Variants in PDSS2 observed in about 807,000 individuals in gnomAD.
PDSS2 encodes the protein decaprenyl diphosphate synthase subunit 2, also known as all trans-polyprenyl-diphosphate synthase PDSS2.
Under a neutral mutation model 44.5 loss-of-function variants are expected in PDSS2, and 31 were observed. The observed-to-expected ratio is 0.70, with a 90% CI of 0.52 to 0.94. The LOEUF is 0.94. PDSS2 is among the 40% of genes least tolerant of loss of function. The pLI, the probability that PDSS2 is intolerant of heterozygous loss-of-function variation, is 0.00. For missense variants in PDSS2, 452 were observed against 482.2 expected (o/e 0.94, Z 0.59); for synonymous variants, 157 against 180.3 (o/e 0.87, Z 1.03).
chr6:107,170,464 G>A (rs1562349249), intron 7 of PDSS2, among the ~76,000 whole-genome samples: 1 of 152,058 alleles, frequency 6.6e-6, no homozygotes, highest in South Asian at 2.1e-4. Context: ...GCTCACGCTC[G>A]GTGCACTGCA....
At chr6:107,376,421 A>G (rs1298567292) in intron 1 of PDSS2, among the ~76,000 whole-genome samples, 1 of 151,924 alleles carries the variant, frequency 6.6e-6, no homozygotes, top group African/African-American at 2.4e-5. Flanking sequence ...ATTTGTTTGT[A>G]TCCTCTTTTA....
At chr6:107,323,253 C>T (rs1304625251) in intron 2 of PDSS2, among the ~76,000 whole-genome samples, 1 of 152,190 alleles carries the variant, frequency 6.6e-6, no homozygotes, top group Non-Finnish European at 1.5e-5. Flanking sequence ...CAGGAAGACT[C>T]TAGATGCATA....
intron 4 of PDSS2, among the ~76,000 whole-genome samples, chr6:107,223,310 A>T (rs1281715817): frequency 2.7e-5 from 4 of 150,126 alleles, no homozygotes; most frequent in African/African-American, 1.0e-4. Context: ...TGGGCAGATC[A>T]CCTGAGCTCA....
chr6:107,207,355 G>A (rs564606220), intron 6 of PDSS2, among the ~76,000 whole-genome samples: 10 of 152,124 alleles, frequency 6.6e-5, no homozygotes, highest in African/African-American at 2.2e-4. Context: ...AGGGCTTTAG[G>A]GGAGGGAAGG....
Position 107,255,472 on chromosome 6 carries a change from G to A in PDSS2, c.631-9853C>T, listed in dbSNP as rs560957643. On this transcript the variant is annotated intron_variant, in intron 3 of 7. Coordinates refer to ENST00000369037, the MANE Select transcript of PDSS2 (RefSeq NM_020381.4). ...CTCCCAAAGTGCTGGGATTACAGGC[G>A]TGAGCTACCACGCCAGGTCCTATGG... Among the ~76,000 whole-genome samples, 4 of 152,046 alleles carry A rather than the reference G, an allele frequency of 2.6e-5. 1 individual carries two copies. The highest frequency in any genetic ancestry group is 4.8e-5 in the African/African-American group (2 of 41,506).
At chr6:107,347,229 C>T (rs1284585282) in intron 1 of PDSS2, among the ~76,000 whole-genome samples, 1 of 150,836 alleles carries the variant, frequency 6.6e-6, no homozygotes, top group Non-Finnish European at 1.5e-5. Flanking sequence ...TAGTCAACTT[C>T]CATACAATTC....
intron 2 of PDSS2, among the ~76,000 whole-genome samples, chr6:107,312,317 TTG>T (rs1273476481): frequency 6.6e-6 from 1 of 152,188 alleles, no homozygotes; most frequent in African/African-American, 2.4e-5. Flanking sequence ...ATTCAATCCT[TTG>T]TAGGTGGACC....
At chr6:107,170,998 A>G (rs782125921) in intron 7 of PDSS2, among the ~76,000 whole-genome samples, 1 of 152,192 alleles carries the variant, frequency 6.6e-6, no homozygotes, top group African/African-American at 2.4e-5. Flanking sequence ...GGACACCTAT[A>G]TAACCTAGGC....
chr6:107,198,683 C>T (rs147289201), intron 6 of PDSS2, among the ~76,000 whole-genome samples: 9 of 152,184 alleles, frequency 5.9e-5, no homozygotes, highest in Admixed American at 4.6e-4. Context: ...TGACCAGGCA[C>T]GGTGGCTCAT....
intron 7 of PDSS2, among the ~76,000 whole-genome samples, chr6:107,168,590 G>C (rs1338002208): frequency 6.6e-6 from 1 of 151,684 alleles, no homozygotes; most frequent in African/African-American, 2.4e-5. Flanking sequence ...TTTACAATTT[G>C]ACATGTTTTT....
At chr6:107,207,042 G>A (rs1269802524) in intron 6 of PDSS2, among the ~76,000 whole-genome samples, 1 of 150,180 alleles carries the variant, frequency 6.7e-6, no homozygotes, top group African/African-American at 2.5e-5. Context: ...GCCCAGGCTC[G>A]AGTGCAGTGG....
intron 3 of PDSS2, among the ~76,000 whole-genome samples, chr6:107,262,940 T>C (rs1200079237): frequency 6.6e-6 from 1 of 151,446 alleles, no homozygotes; most frequent in African/African-American, 2.4e-5. Flanking sequence ...TTACAAAAAA[T>C]AAAGAAATAA....
chr6:107,306,302 T>C (rs988002128), intron 2 of PDSS2, among the ~76,000 whole-genome samples: 3 of 152,194 alleles, frequency 2.0e-5, no homozygotes, highest in South Asian at 2.1e-4. Flanking sequence ...GTTCTCGTGA[T>C]AGTGAATAAG....
At chr6:107,418,589 T>C (rs1442375350) in intron 1 of PDSS2, among the ~76,000 whole-genome samples, 1 of 151,942 alleles carries the variant, frequency 6.6e-6, no homozygotes, top group Non-Finnish European at 1.5e-5. Flanking sequence ...CTGGGAAACA[T>C]GATGATACCC....
At chr6:107,378,920 T>C (rs1170161216) in intron 1 of PDSS2, among the ~76,000 whole-genome samples, 1 of 152,206 alleles carries the variant, frequency 6.6e-6, no homozygotes, top group Non-Finnish European at 1.5e-5. Flanking sequence ...ATACCGAAGG[T>C]ACATAAAATC....
chr6:107,349,288 C>T (rs1213956823), intron 1 of PDSS2, among the ~76,000 whole-genome samples: 1 of 152,066 alleles, frequency 6.6e-6, no homozygotes. Context: ...AAAAAATTAG[C>T]TGGGCGTGGT....
chr6:107,364,181 C>T (rs931237361), intron 1 of PDSS2, among the ~76,000 whole-genome samples: 8 of 152,248 alleles, frequency 5.3e-5, no homozygotes, highest in Non-Finnish European at 1.2e-4. Flanking sequence ...GCTGGCTTCA[C>T]CTAGTGGATC....
intron 7 of PDSS2, among the ~76,000 whole-genome samples, chr6:107,163,591 G>T (rs1294285108): frequency 5.9e-5 from 9 of 151,706 alleles, no homozygotes; most frequent in African/African-American, 2.2e-4. Context: ...TGAAAAGAAT[G>T]ATCTTGTTCT....
At chr6:107,377,735 A>G (rs1431976887) in intron 1 of PDSS2, among the ~76,000 whole-genome samples, 1 of 152,104 alleles carries the variant, frequency 6.6e-6, no homozygotes, top group African/African-American at 2.4e-5. Flanking sequence ...TGTCCTTTGT[A>G]GGGACATGGA....
Sources: allele counts gnomAD v4.1 joint callset (sites outside exome capture counted in the v4.1 genomes callset), GRCh38; gene constraint gnomAD v4.1.1; transcripts MANE v1.5; gene names NCBI Gene and HGNC (gene_info 2026-07-23, HGNC 2026-07-21).